The following TPM3 variants were observed in gnomAD, a reference collection of about 807,000 sequenced individuals.
The protein encoded by TPM3 is tropomyosin alpha-3 chain.
In TPM3, 16 loss-of-function variants were observed where a neutral mutation model predicts 43.1. The ratio of observed to expected loss-of-function variants is 0.37; its 90% confidence interval spans 0.25 to 0.56. The LOEUF (loss-of-function observed/expected upper bound fraction) is 0.56, where lower values mean the gene tolerates loss of function less well. TPM3 is among the 20% of genes least tolerant of loss of function. The probability of loss-of-function intolerance (pLI) is 0.77; values close to 1 mark genes in which losing one functional copy is unlikely to be tolerated. For synonymous variants in TPM3, 101 were observed against 116.9 expected, an observed-to-expected ratio of 0.86 and a Z score of 0.88; for missense variants, 176 against 337.2, an observed-to-expected ratio of 0.52 and a Z score of 3.74.
At chr1:154,169,258 C>T (rs755242545) in intron 9 of TPM3, 47 bp downstream of exon 9, 2 of 1,577,370 alleles carry the variant, frequency 1.3e-6, no homozygotes, top group South Asian at 1.1e-5. Flanking sequence ...TACCCCCATC[C>T]ACCCACAAGC....
chr1:154,175,041 G>C (rs911786319), intron 3 of TPM3, among the ~76,000 whole-genome samples: 41 of 152,108 alleles, frequency 2.7e-4, no homozygotes, highest in African/African-American at 7.9e-4. Context: ...ATTAAAATTA[G>C]CTGGGGAAGG....
intron 3 of TPM3, among the ~76,000 whole-genome samples, chr1:154,174,368 G>GTGTATATATATATATATA (rs1389219269): frequency 1.3e-4 from 6 of 46,352 alleles, no homozygotes; most frequent in East Asian, 6.2e-4. Context: ...AAATATATGT[G>GTGTATATATATATATATA]TATATATATA....
At chr1:154,171,230 T>C in intron 6 of TPM3, 183 bp downstream of exon 6, 1 of 688,170 alleles carries the variant, frequency 1.5e-6, no homozygotes, top group Non-Finnish European at 2.5e-6. Context: ...GAAGTTATTT[T>C]AATTAAAGCA....
intron 6 of TPM3, 48 bp from the exon 7 acceptor site, chr1:154,170,759 A>G (rs777000740): frequency 8.2e-7 from 1 of 1,223,080 alleles, no homozygotes; most frequent in South Asian, 1.2e-5. Context: ...TTAGTCACAC[A>G]GGCAATACCC....
chr1:154,158,454 A>G (rs1266839346), downstream of TPM3, among the ~76,000 whole-genome samples: 4 of 152,350 alleles, frequency 2.6e-5, no homozygotes, highest in South Asian at 2.1e-4. Context: ...TGACTGCTCT[A>G]AAGAGGTGAG....
intron 2 of TPM3, chr1:154,183,101 T>A (rs1165885225): frequency 6.3e-7 from 1 of 1,599,408 alleles, no homozygotes; most frequent in Non-Finnish European, 8.5e-7. Flanking sequence ...ACCGCCTCGA[T>A]GGTGGTGATC....
chr1:154,184,339 C>T lies in TPM3; in HGVS notation c.243+6847G>A, dbSNP rs976880391. On this transcript the variant is annotated intron_variant, in intron 2 of 9. Coordinates refer to ENST00000651641, the MANE Select transcript of TPM3 (RefSeq NM_152263.4). Reference sequence around the variant, plus strand: ...GGTCCCTGTTACTTTTGAGAGTCATCATGCACCAAATTAACCAACCTTCCA... The same window carrying T: ...GGTCCCTGTTACTTTTGAGAGTCATTATGCACCAAATTAACCAACCTTCCA... Among the ~76,000 whole-genome samples, 7 of 152,060 alleles carry T rather than the reference C, an allele frequency of 4.6e-5. 1 individual carries two copies. In the South Asian group the frequency reaches 1.2e-3, roughly 27 times the overall value.
At chr1:154,156,826 AAC>A (rs200870653), downstream of TPM3, 105 of 197,546 alleles carry the variant, frequency 5.3e-4, no homozygotes, top group Admixed American at 1.2e-3. Flanking sequence ...CAGTGGCAAA[AAC>A]ACAGTCTTCT....
chr1:154,171,258 AT>A, intron 6 of TPM3, 154 bp downstream of exon 6: 1 of 783,216 alleles, frequency 1.3e-6, no homozygotes, highest in South Asian at 1.5e-5. Context: ...TGCACAGAAA[AT>A]AGCATTAAAC....
chr1:154,179,960 CA>C (rs1415953582), intron 2 of TPM3, among the ~76,000 whole-genome samples: 1 of 151,954 alleles, frequency 6.6e-6, no homozygotes, highest in Non-Finnish European at 1.5e-5. Context: ...GTGAACTGTA[CA>C]TTTATAAATG....
chr1:154,156,229 C>G (rs920056010), downstream of TPM3: 2 of 177,762 alleles, frequency 1.1e-5, no homozygotes, highest in African/African-American at 4.7e-5. Context: ...GAAACTTCAT[C>G]TCAAAAATAA....
At chr1:154,156,040 G>A (rs1222513099), downstream of TPM3, 1 of 178,568 alleles carries the variant, frequency 5.6e-6, no homozygotes, top group Non-Finnish European at 1.2e-5. Context: ...AGACCAGCCT[G>A]GCCAACATGG....
At chr1:154,187,198 G>C (rs1663446949) in intron 2 of TPM3, 1 of 588,198 alleles carries the variant, frequency 1.7e-6, no homozygotes, top group Admixed American at 6.4e-5. Flanking sequence ...CAACTTTTAG[G>C]GTCTTGTGGC....
chr1:154,171,563 G>T, intron 5 of TPM3, 75 bp from the exon 6 acceptor site: 1 of 1,493,228 alleles, frequency 6.7e-7, no homozygotes, highest in Non-Finnish European at 9.3e-7. Flanking sequence ...GAGACACATA[G>T]ACGTGAATTG....
chr1:154,176,323 C>G lies in TPM3; in HGVS notation c.244-75G>C, dbSNP rs1662303552. On this transcript the variant is annotated intron_variant, in intron 2 of 9. Transcript: ENST00000651641. ...GAAGAAATAACTATGACATTAAGAT[C>G]AGGGTTGACTACCATGAAAAAGCCA... 3.7e-6 allele frequency: 6 copies of G among 1,607,228 alleles called. No homozygotes were observed. In the South Asian group the frequency reaches 4.4e-5, roughly 12 times the overall value.
rs1661106407 is a variant in TPM3, at chr1:154,167,463, G to A, written c.*474C>T. The A allele has an allele frequency of 2.8e-6, 3 of 1,077,862 alleles. No homozygotes were observed. The highest frequency in any genetic ancestry group is 1.6e-5 in the African/African-American group (1 of 61,200). 66.8% of individuals were successfully genotyped at this position (1,077,862 alleles called of 1,614,324 possible). ...GAGAGAATGGAAACACTGCAGGCAG[G>A]ATGATTTAAGAACCTGGAAATAAGG... On this transcript the variant is annotated 3_prime_UTR_variant, in exon 10 of 10. Coordinates refer to ENST00000651641, the MANE Select transcript of TPM3 (RefSeq NM_152263.4).
chr1:154,172,821 G>A, intron 5 of TPM3, 87 bp downstream of exon 5: 1 of 1,513,808 alleles, frequency 6.6e-7, no homozygotes, highest in South Asian at 1.1e-5. Flanking sequence ...CAAGGTTGAA[G>A]GAATGCTAAT....
chr1:154,165,628 A>C lies in TPM3; in HGVS notation c.*2309T>G, dbSNP rs901273686. 6.6e-6 allele frequency among the ~76,000 whole-genome samples: 1 copy of C among 151,768 alleles called. No homozygotes were observed. Among genetic ancestry groups the C allele is most frequent in the African/African-American group, 2.4e-5 (1 of 41,306 alleles). On this transcript the variant is annotated 3_prime_UTR_variant, in exon 10 of 10. Transcript: ENST00000651641. Reference sequence around the variant, plus strand: ...ACATGGTGAAACCTCACCTCTACTAATAATACAAAAATTAGCTGGGTGTGG... The same window carrying C: ...ACATGGTGAAACCTCACCTCTACTACTAATACAAAAATTAGCTGGGTGTGG...
intron 2 of TPM3, among the ~76,000 whole-genome samples, chr1:154,183,992 T>A (rs1279722404): frequency 6.6e-6 from 1 of 151,682 alleles, no homozygotes; most frequent in Non-Finnish European, 1.5e-5. Context: ...CCGGTGTAGC[T>A]GGGACTACAG....
Sources: allele counts gnomAD v4.1 joint callset (sites outside exome capture counted in the v4.1 genomes callset), GRCh38; gene constraint gnomAD v4.1.1; transcripts MANE v1.5; gene names NCBI Gene and HGNC (gene_info 2026-07-23, HGNC 2026-07-21).